Variants in SH3TC1 observed in about 807,000 individuals in gnomAD.
SH3TC1 encodes the protein SH3 domain and tetratricopeptide repeats 1.
SH3TC1 carries 135 observed loss-of-function variants against 117.3 expected under a neutral mutation model. That is an observed-to-expected ratio of 1.15 (90% CI 1.00 to 1.33). The LOEUF is 1.33. Ranked by LOEUF, SH3TC1 falls within the 40% of genes most tolerant of loss-of-function variation. The probability of loss-of-function intolerance (pLI) is 0.00; values close to 1 mark genes in which losing one functional copy is unlikely to be tolerated. For missense variants in SH3TC1, 2,092 were observed against 1,794.3 expected (o/e 1.17, Z -3.00); for synonymous variants, 898 against 816.9 (o/e 1.10, Z -1.69).
intron 3 of SH3TC1, among the ~76,000 whole-genome samples, chr4:8,212,420 G>A (rs573862631): frequency 8.5e-4 from 130 of 152,302 alleles, no homozygotes; most frequent in African/African-American, 2.9e-3. Flanking sequence ...TTTCTGTGCC[G>A]GCCTGGCCTG....
At chr4:8,197,932 C>T (rs1343868615), upstream of SH3TC1, among the ~76,000 whole-genome samples, 1 of 152,012 alleles carries the variant, frequency 6.6e-6, no homozygotes, top group East Asian at 1.9e-4. Flanking sequence ...GCTGGAGGGG[C>T]TTTGACCTGA....
Position 8,232,010 on chromosome 4 carries a change from C to G in SH3TC1, c.2985C>G (p.Phe995Leu). The G allele has an allele frequency of 6.2e-7, 1 of 1,612,776 alleles. No individual in the cohort carries two copies. The highest frequency in any genetic ancestry group is 1.3e-5 in the African/African-American group (1 of 75,066). Residue 995 changes from phenylalanine (F) to leucine (L), a missense_variant, in exon 13 of 18, where the codon TTC (phenylalanine) becomes TTG (leucine). Coordinates refer to ENST00000245105, the MANE Select transcript of SH3TC1 (RefSeq NM_018986.5). ...QLRAVQRLCH[F>L]YSAVMPSEAQ... is the part of the protein sequence containing the mutation. The stretch of plus-strand genomic sequence containing the variant: ...GGGCCGTCCAGCGGCTGTGCCACTT[C>G]TACAGCGCCGTCATGCCCAGCGAGG...
chr4:8,215,147 G>A, intron 5 of SH3TC1: 1 of 456,266 alleles, frequency 2.2e-6, no homozygotes, highest in South Asian at 1.5e-5. Context: ...TTCACACTCT[G>A]CCCTCTGTAA....
intron 4 of SH3TC1, among the ~76,000 whole-genome samples, chr4:8,213,785 G>A (rs1718960490): frequency 6.6e-6 from 1 of 151,544 alleles, no homozygotes; most frequent in Non-Finnish European, 1.5e-5. Flanking sequence ...CTGTGGGAGA[G>A]TAAAATGGGT....
Position 8,227,963 on chromosome 4 carries a change from C to T in SH3TC1, c.2269C>T (p.Gln757Ter), listed in dbSNP as rs750274924. ...GAACCTGGTGCTCCAGAACGCCCCC[C>T]AGCCCCACAGCCTCCCTGCCCAAAC... ...SVNLVLQNAP[Q>*]PHSLPAQTSH... Residue 757 changes from glutamine (Q) to a stop codon, truncating the protein, a stop_gained, in exon 12 of 18, where the codon CAG (glutamine) becomes TAG (stop). Coordinates refer to ENST00000245105, the MANE Select transcript of SH3TC1 (RefSeq NM_018986.5). LOFTEE classifies it high-confidence loss of function. The T allele has an allele frequency of 6.2e-7, 1 of 1,612,436 alleles. No individual in the cohort carries two copies. Among genetic ancestry groups the T allele is most frequent in the South Asian group, 1.1e-5 (1 of 91,076 alleles).
rs1718475652 is a variant in SH3TC1 at position 8,209,624 on chromosome 4, A to G, written c.173-124A>G. ...GACTGGAGGAAGGCAGCTGTGGGAA[A>G]GGCGGCTCGTGCGGGACAGAACTCA... On this transcript the variant is annotated intron_variant, in intron 2 of 17. Transcript: ENST00000245105. This position sits in a 1 kb window ranked among gnomAD's most constrained non-coding sequence, Gnocchi z 5.9. 6.5e-7 allele frequency: 1 copy of G among 1,541,034 alleles called. No homozygotes were observed. The highest frequency in any genetic ancestry group is 8.7e-7 in the Non-Finnish European group (1 of 1,146,554).
In SH3TC1 at chr4:8,192,799, CTTTA is replaced by C. The variant is rs1258316010; in HGVS notation, c.-57+10593_-57+10596del. ...GAGCCACGGTGCCCGGCCCACTTGT[CTTTA>C]TTTGTTGCCTTCTCTTCTGCTCCGA... On this transcript the variant is annotated intron_variant, in intron 1 of 16. Coordinates refer to the SH3TC1 transcript ENST00000508641. This position sits in a 1 kb window ranked among gnomAD's most constrained non-coding sequence, Gnocchi z 4.1. Among the ~76,000 whole-genome samples, 1 of 152,164 alleles carries C rather than the reference CTTTA, an allele frequency of 6.6e-6. No individual in the cohort carries two copies. Among genetic ancestry groups the C allele is most frequent in the African/African-American group, 2.4e-5 (1 of 41,436 alleles).
At chr4:8,195,343 T>C (rs2152975286), upstream of SH3TC1, among the ~76,000 whole-genome samples, 1 of 152,298 alleles carries the variant, frequency 6.6e-6, no homozygotes, top group Middle Eastern at 3.4e-3. Flanking sequence ...AAGCCTGAGC[T>C]GGGGTTCGGA....
At chr4:8,235,293 C>T (rs952703950) in intron 14 of SH3TC1, 140 bp from the exon 15 acceptor site, 3 of 1,049,472 alleles carry the variant, frequency 2.9e-6, no homozygotes, top group African/African-American at 1.6e-5. Context: ...TGGGGGCGGC[C>T]CTAATGCACA....
At position 8,228,192 on chromosome 4, in the gene SH3TC1, G is replaced by A. The variant is rs761921089; in HGVS notation, c.2498G>A (p.Trp833Ter). 1 of 1,610,100 alleles carries A rather than the reference G, an allele frequency of 6.2e-7. No homozygotes were observed. The highest frequency in any genetic ancestry group is 1.7e-4 in the Middle Eastern group (1 of 6,050). ...GTGGACCACCTGGTGGCCCTGGCCT[G>A]GCTGCACGTGCTTCATGGGCAGAGC... ...AIVDHLVALA[W>*]LHVLHGQSPV... The change falls in exon 12 of 18, where the codon TGG (tryptophan) becomes TAG (stop). Residue 833 changes from tryptophan to a stop codon, truncating the protein, a stop_gained. Coordinates refer to ENST00000245105, the MANE Select transcript of SH3TC1 (RefSeq NM_018986.5). LOFTEE classifies it high-confidence loss of function.
intron 3 of SH3TC1, among the ~76,000 whole-genome samples, chr4:8,212,474 G>A (rs1346073065): frequency 6.6e-6 from 1 of 152,238 alleles, no homozygotes; most frequent in Admixed American, 6.5e-5. Flanking sequence ...CACAGGACAG[G>A]CACTCACCCC....
Position 8,214,517 on chromosome 4 carries a change from C to T in SH3TC1, c.418C>T (p.Arg140Trp), listed in dbSNP as rs149787778. 4.9e-5 allele frequency: 79 copies of T among 1,613,802 alleles called. No homozygotes were observed. Among genetic ancestry groups the T allele is most frequent in the African/African-American group, 3.9e-4 (29 of 74,882 alleles). The change falls in exon 5 of 18, where the codon CGG (arginine) becomes TGG (tryptophan). Residue 140 changes from arginine to tryptophan, a missense_variant. Physicochemically the swap from Arg to Trp is moderately radical, Grantham distance 101 (BLOSUM62 -3). Coordinates refer to ENST00000245105, the MANE Select transcript of SH3TC1 (RefSeq NM_018986.5). ...RLLSIHSDQD[R>W]IVVTFKTFEE... ...GCTGTCCATCCACAGTGACCAGGAC[C>T]GGATCGTGGTGACGTTTAAGACTTT...
chr4:8,215,806 G>A (rs1397082041), intron 5 of SH3TC1, among the ~76,000 whole-genome samples: 1 of 152,214 alleles, frequency 6.6e-6, no homozygotes, highest in Non-Finnish European at 1.5e-5. Context: ...CGGCCTGCAC[G>A]GCCCCCGACC....
Position 8,227,015 on chromosome 4 carries a change from G to A in SH3TC1, c.1321G>A (p.Glu441Lys), listed in dbSNP as rs760592369. 16 of 1,568,366 alleles carry A rather than the reference G, an allele frequency of 1.0e-5. No homozygotes were observed. The highest frequency in any genetic ancestry group is 1.4e-5 in the Non-Finnish European group (16 of 1,156,754). Residue 441 changes from glutamate (E) to lysine (K), a missense_variant, in exon 12 of 18, where the codon GAG (glutamate) becomes AAG (lysine). Physicochemically the swap from Glu to Lys is moderately conservative, Grantham distance 56 (BLOSUM62 1). Transcript: ENST00000245105. ...ACCTTGCCTGAGCCTGGAGCCACAGGAGACCTTGCAGAAGGTGAAGAATGT... is the reference window on the plus strand; with the variant it reads ...ACCTTGCCTGAGCCTGGAGCCACAGAAGACCTTGCAGAAGGTGAAGAATGT... ...PPPCLSLEPQETLQKVKNVLE... is the reference protein window; with the variant it reads ...PPPCLSLEPQKTLQKVKNVLE...
chr4:8,233,930 T>A (rs1048399887), intron 14 of SH3TC1, among the ~76,000 whole-genome samples: 1 of 148,348 alleles, frequency 6.7e-6, no homozygotes, highest in African/African-American at 2.5e-5. Flanking sequence ...CACTCTTTTG[T>A]CATCCATCCA....
intron 6 of SH3TC1, 84 bp from the exon 7 acceptor site, chr4:8,216,873 G>A: frequency 1.4e-6 from 2 of 1,422,686 alleles, no homozygotes; most frequent in East Asian, 2.3e-5. Flanking sequence ...TGCCTTCGTT[G>A]TCTGTCCGGC....
intron 16 of SH3TC1, 72 bp from the exon 17 acceptor site, chr4:8,237,402 G>A (rs1721913675): frequency 2.3e-6 from 3 of 1,306,626 alleles, no homozygotes; most frequent in Non-Finnish European, 3.0e-6. Flanking sequence ...GGCGAGCCAG[G>A]TGCTGCCGGG....
At chr4:8,191,052 C>T (rs1208538221) in intron 1 of SH3TC1, among the ~76,000 whole-genome samples, 1 of 152,150 alleles carries the variant, frequency 6.6e-6, no homozygotes, top group African/African-American at 2.4e-5. Flanking sequence ...CCTATGTAGG[C>T]AGTGAGGGCT....
chr4:8,200,090 C>G (rs747267562), intron 1 of SH3TC1, among the ~76,000 whole-genome samples: 1 of 152,172 alleles, frequency 6.6e-6, no homozygotes, highest in African/African-American at 2.4e-5. Context: ...GTCTGTGAAG[C>G]GGGAGTTTCC....
Sources: gnomAD v4.1 joint callset for allele counts (sites outside exome capture counted in the v4.1 genomes callset) on GRCh38, gnomAD v4.1.1 for gene constraint, Gnocchi (gnomAD v3.1) non-coding constraint, MANE v1.5 for transcripts, NCBI Gene and HGNC (gene_info 2026-07-23, HGNC 2026-07-21) for gene names.